The following RPTOR variants were observed in gnomAD, a reference collection of about 807,000 sequenced individuals.
RPTOR encodes regulatory-associated protein of mTOR.
Under a neutral mutation model 169.9 loss-of-function variants are expected in RPTOR, and 21 were observed. The ratio of observed to expected loss-of-function variants is 0.12; its 90% confidence interval spans 0.09 to 0.18. The LOEUF (loss-of-function observed/expected upper bound fraction) is 0.18, where lower values mean the gene tolerates loss of function less well. RPTOR is among the 10% of genes least tolerant of loss of function. RPTOR has a pLI of 1.00. For missense variants in RPTOR, 1,133 were observed against 1,855.9 expected (o/e 0.61, Z 7.16); for synonymous variants, 732 against 753.2 (o/e 0.97, Z 0.46).
At chr17:80,790,969 A>G (rs185203417) in intron 6 of RPTOR, among the ~76,000 whole-genome samples, 2 of 152,330 alleles carry the variant, frequency 1.3e-5, no homozygotes, top group South Asian at 2.1e-4. Context: ...TGCGTCAGAC[A>G]TGAACCCAGC....
At chr17:80,838,412 C>G (rs1442598805) in intron 10 of RPTOR, among the ~76,000 whole-genome samples, 1 of 152,188 alleles carries the variant, frequency 6.6e-6, no homozygotes, top group Non-Finnish European at 1.5e-5. Context: ...CTGCCCCCGG[C>G]CGCACTGCAC....
intron 3 of RPTOR, among the ~76,000 whole-genome samples, chr17:80,706,884 T>A (rs1251107544): frequency 9.2e-5 from 14 of 152,234 alleles, no homozygotes; most frequent in Admixed American, 9.2e-4. Context: ...TCACGTCTTC[T>A]GTGTTTTCCA....
In RPTOR at chr17:80,730,585, C is replaced by T; in HGVS notation, c.533C>T (p.Ser178Phe). Residue 178 changes from serine to phenylalanine, a missense_variant, in exon 5 of 34, where the codon TCC (serine) becomes TTC (phenylalanine). By Grantham distance (155) the Ser-to-Phe change is radical. Coordinates refer to ENST00000306801, the MANE Select transcript of RPTOR (RefSeq NM_020761.3). The surrounding 1 kb of genome is among the most constrained non-coding windows in gnomAD (Gnocchi z 4.2). ...NKNYTQYIPLSIYDLQTWMGS... is the reference protein window; with the variant it reads ...NKNYTQYIPLFIYDLQTWMGS... ...AACTACACGCAGTACATCCCTCTGT[C>T]CATATATGACCTGCAGACGTGGATG... 1 of 1,614,186 alleles carries T rather than the reference C, an allele frequency of 6.2e-7. No homozygotes were observed. The highest frequency in any genetic ancestry group is 8.5e-7 in the Non-Finnish European group (1 of 1,180,024).
intron 1 of RPTOR, among the ~76,000 whole-genome samples, chr17:80,546,320 T>A (rs1426119037): frequency 6.6e-6 from 1 of 152,238 alleles, no homozygotes; most frequent in Non-Finnish European, 1.5e-5. Flanking sequence ...CAATTTCTCT[T>A]GAAGCTAGAT....
Position 80,828,708 on chromosome 17 carries a change from A to G in RPTOR, c.1136+5485A>G, listed in dbSNP as rs992059915. 3.3e-5 allele frequency among the ~76,000 whole-genome samples: 5 copies of G among 152,238 alleles called. No individual in the cohort carries two copies. In the East Asian group the frequency reaches 9.6e-4, roughly 29 times the overall value. On this transcript the variant is annotated intron_variant, in intron 9 of 33. Transcript: ENST00000306801. Reference sequence around the variant, plus strand: ...ATAGCTGAAGCAGGTCGCTAAGGAAAAACCAAGCAACGGGACTAATGGGAT... The same window carrying G: ...ATAGCTGAAGCAGGTCGCTAAGGAAGAACCAAGCAACGGGACTAATGGGAT...
intron 5 of RPTOR, among the ~76,000 whole-genome samples, chr17:80,731,740 A>G (rs1437569371): frequency 6.6e-6 from 1 of 152,188 alleles, no homozygotes; most frequent in Non-Finnish European, 1.5e-5. Flanking sequence ...GATCTTGAGT[A>G]TGTTTCCTCA....
At chr17:80,621,472 G>A (rs916163478) in intron 1 of RPTOR, among the ~76,000 whole-genome samples, 2 of 152,130 alleles carry the variant, frequency 1.3e-5, no homozygotes, top group Non-Finnish European at 2.9e-5. Context: ...GCCCTGTGTC[G>A]GCCTCTGCCG....
chr17:80,916,977 A>C (rs537901872), intron 21 of RPTOR, among the ~76,000 whole-genome samples: 2 of 152,152 alleles, frequency 1.3e-5, no homozygotes, highest in African/African-American at 4.8e-5. Context: ...ACAGAGCGAG[A>C]CTCTTATCTG....
intron 3 of RPTOR, among the ~76,000 whole-genome samples, chr17:80,691,606 G>A (rs1002685349): frequency 7.9e-5 from 12 of 152,234 alleles, no homozygotes; most frequent in Admixed American, 4.6e-4. Context: ...CAGTTCTCGC[G>A]GTCCTCAATT....
At chr17:80,836,196 C>G (rs549402414) in intron 9 of RPTOR, among the ~76,000 whole-genome samples, 54 of 152,336 alleles carry the variant, frequency 3.5e-4, no homozygotes, top group African/African-American at 1.1e-3. Flanking sequence ...CTCCCTGGGC[C>G]GGAGCTAGTG....
intron 20 of RPTOR, among the ~76,000 whole-genome samples, chr17:80,897,982 C>T (rs1355458668): frequency 6.6e-6 from 1 of 152,206 alleles, no homozygotes; most frequent in Non-Finnish European, 1.5e-5. Flanking sequence ...AGTGCGCCGT[C>T]ATTCCCTGTC....
intron 1 of RPTOR, among the ~76,000 whole-genome samples, chr17:80,592,786 G>T (rs568631414): frequency 3.0e-4 from 45 of 152,270 alleles, no homozygotes; most frequent in African/African-American, 1.0e-3. Context: ...CTCAAACCAT[G>T]CTGGTAGTAT....
At chr17:80,629,135 T>C (rs76548685) in intron 2 of RPTOR, among the ~76,000 whole-genome samples, 2 of 150,778 alleles carry the variant, frequency 1.3e-5, no homozygotes, top group African/African-American at 4.9e-5. Flanking sequence ...ATTGTGCTGT[T>C]GGACATTGTA....
At chr17:80,671,527 C>T (rs539049835) in intron 3 of RPTOR, among the ~76,000 whole-genome samples, 4 of 152,176 alleles carry the variant, frequency 2.6e-5, no homozygotes, top group Admixed American at 2.0e-4. Context: ...TAACGATTTT[C>T]GACAGATTAG....
intron 1 of RPTOR, among the ~76,000 whole-genome samples, chr17:80,554,352 C>T (rs899462630): frequency 2.0e-5 from 3 of 152,222 alleles, no homozygotes; most frequent in Admixed American, 2.0e-4. Context: ...TTTGGATATT[C>T]TGATACTCCT....
intron 21 of RPTOR, among the ~76,000 whole-genome samples, chr17:80,921,517 G>A (rs1388028309): frequency 1.3e-5 from 2 of 152,244 alleles, no homozygotes; most frequent in African/African-American, 4.8e-5. Context: ...CCTGCCTTGC[G>A]TGGTTTCTCA....
At chr17:80,954,311 G>A (rs982775795) in intron 28 of RPTOR, among the ~76,000 whole-genome samples, 6 of 152,060 alleles carry the variant, frequency 3.9e-5, no homozygotes, top group African/African-American at 7.2e-5. Flanking sequence ...TAGTAGAGAC[G>A]GTGTTTCACT....
intron 3 of RPTOR, among the ~76,000 whole-genome samples, chr17:80,673,809 T>C (rs1029970992): frequency 3.3e-5 from 5 of 152,200 alleles, no homozygotes; most frequent in African/African-American, 1.2e-4. Flanking sequence ...AGCCATCAAA[T>C]GGAAAGTTTG....
intron 17 of RPTOR, among the ~76,000 whole-genome samples, chr17:80,889,453 G>A (rs1222019221): frequency 6.6e-6 from 1 of 152,208 alleles, no homozygotes; most frequent in Admixed American, 6.5e-5. Context: ...CAGAGGACCT[G>A]GGAAGCCTGG....
Sources: allele counts gnomAD v4.1 joint callset (sites outside exome capture counted in the v4.1 genomes callset), GRCh38; gene constraint gnomAD v4.1.1; non-coding constraint Gnocchi (gnomAD v3.1); transcripts MANE v1.5; gene names NCBI Gene and HGNC (gene_info 2026-07-23, HGNC 2026-07-21).